The following SGK1 variants were observed in gnomAD, a reference collection of about 807,000 sequenced individuals.
SGK1 encodes serine/threonine-protein kinase Sgk1.
In SGK1, 26 loss-of-function variants were observed where a neutral mutation model predicts 64.2. The ratio of observed to expected loss-of-function variants is 0.40; its 90% CI spans 0.30 to 0.56. The LOEUF is 0.56. Among genes scored for constraint, SGK1 ranks in the 20% least tolerant of loss-of-function variants. The pLI is 0.38. For synonymous variants in SGK1, 265 were observed against 239.7 expected (o/e 1.11, Z -0.98); for missense variants, 519 against 645.6 (o/e 0.80, Z 2.12).
chr6:134,305,129 G>A (rs1237046711), intron 1 of SGK1, among the ~76,000 whole-genome samples: 3 of 152,014 alleles, frequency 2.0e-5, no homozygotes, highest in Admixed American at 6.5e-5. Flanking sequence ...AGGCCAAGAC[G>A]GGTGGCTCAC....
At chr6:134,297,775 A>G (rs1582771330) in intron 1 of SGK1, 1 of 532,030 alleles carries the variant, frequency 1.9e-6, no homozygotes, top group Non-Finnish European at 3.5e-6. Flanking sequence ...TGCTGGGATT[A>G]CAGGCGTGAG....
chr6:134,233,976 C>T (rs17063535), intron 2 of SGK1, among the ~76,000 whole-genome samples: 11,981 of 152,240 alleles, frequency 0.079, 812 homozygotes, highest in East Asian at 0.26. Context: ...TAGAGAAATA[C>T]ATCAGTGTCA....
At chr6:134,289,425 T>C (rs772506608) in intron 1 of SGK1, among the ~76,000 whole-genome samples, 7 of 152,210 alleles carry the variant, frequency 4.6e-5, no homozygotes, top group Non-Finnish European at 7.4e-5. Context: ...TGCAGTCCAA[T>C]AGGAATAGAA....
At chr6:134,231,595 G>A (rs1562259384) in intron 2 of SGK1, among the ~76,000 whole-genome samples, 1 of 152,010 alleles carries the variant, frequency 6.6e-6, no homozygotes, top group Non-Finnish European at 1.5e-5. Flanking sequence ...CTCACTTTAG[G>A]TAATTTATCT....
intron 2 of SGK1, among the ~76,000 whole-genome samples, chr6:134,216,459 G>A (rs192726374): frequency 2.6e-5 from 4 of 152,298 alleles, no homozygotes; most frequent in African/African-American, 7.2e-5. Flanking sequence ...ATATAATACC[G>A]TCTTGCAAAT....
intron 1 of SGK1, among the ~76,000 whole-genome samples, chr6:134,287,106 G>A (rs1777197492): frequency 2.0e-5 from 3 of 152,066 alleles, no homozygotes; most frequent in Admixed American, 6.6e-5. Flanking sequence ...CAAGTAGCTG[G>A]GACTTCAGGC....
chr6:134,215,144 TTTTGAGAGAGC>T, intron 2 of SGK1: 1 of 428,122 alleles, frequency 2.3e-6, no homozygotes, highest in Non-Finnish European at 4.6e-6. Flanking sequence ...CTTTTTTTTT[TTTTGAGAGAGC>T]TTTGTTGCCC....
chr6:134,311,309 G>A (rs993612292), intron 1 of SGK1, among the ~76,000 whole-genome samples: 2 of 152,180 alleles, frequency 1.3e-5, no homozygotes, highest in African/African-American at 4.8e-5. Context: ...GTTTTGACAA[G>A]TAGGGGATAC....
chr6:134,226,663 A>G (rs1776185457), intron 2 of SGK1, among the ~76,000 whole-genome samples: 1 of 151,586 alleles, frequency 6.6e-6, no homozygotes. Context: ...CACTGCACTC[A>G]AGCCTGGGTG....
At chr6:134,286,822 G>A (rs1287586196) in intron 1 of SGK1, among the ~76,000 whole-genome samples, 1 of 152,074 alleles carries the variant, frequency 6.6e-6, no homozygotes, top group Non-Finnish European at 1.5e-5. Flanking sequence ...ATAGGTTATA[G>A]AAGTATAATT....
In SGK1 at chr6:134,268,656, G is replaced by A. The variant is rs1417916434; in HGVS notation, c.70-6508C>T. Among the ~76,000 whole-genome samples the A allele has an allele frequency of 6.3e-5, 9 of 141,836 alleles. 2 individuals carry two copies. Among genetic ancestry groups the A allele is most frequent in the Non-Finnish European group, 1.4e-4 (9 of 65,092 alleles). The allele number at this position is 141,836 out of a possible 152,430, so 93.0% of individuals were successfully genotyped here. A position where few individuals can be genotyped will look rare whatever the true frequency, so the allele number is the denominator to read the frequency against. ...GAGAATGGCGTGAACCCGGGAGGCG[G>A]AGCTTGCAGTGAGCTGAGATCGCGC... On this transcript the variant is annotated intron_variant, in intron 1 of 13. Transcript: ENST00000367858.
chr6:134,274,884 C>A (rs1433422424), intron 1 of SGK1, among the ~76,000 whole-genome samples: 1 of 152,136 alleles, frequency 6.6e-6, no homozygotes, highest in Non-Finnish European at 1.5e-5. Context: ...TGGCTCACTG[C>A]AGCCTCTGCC....
chr6:134,297,211 C>T, intron 1 of SGK1: 1 of 895,702 alleles, frequency 1.1e-6, no homozygotes, highest in Non-Finnish European at 1.8e-6. Flanking sequence ...TTCTGTATCC[C>T]AGACTCCAGC....
At chr6:134,225,941 A>AC (rs370919370) in intron 2 of SGK1, among the ~76,000 whole-genome samples, 1,911 of 151,604 alleles carry the variant, frequency 0.013, 43 homozygotes, top group African/African-American at 0.044. Context: ...AACAAAAAAA[A>AC]ACAAAAAAAC....
chr6:134,233,321 A>G (rs1466514332), intron 2 of SGK1, among the ~76,000 whole-genome samples: 1 of 152,232 alleles, frequency 6.6e-6, no homozygotes, highest in African/African-American at 2.4e-5. Context: ...TTGCAAAAAT[A>G]AAGCTCTCTC....
chr6:134,317,609 A>G lies in SGK1; in HGVS notation c.-149T>C, dbSNP rs557929143. On this transcript the variant is annotated 5_prime_UTR_variant, in exon 1 of 14. An upstream start codon of the reference 5' UTR is lost. Transcript: ENST00000367858. ...GCGGGGCTCAGTTCTTCACTCGCGCATTCTGCAGCACCAGCTACTGCAGCA... is the reference window on the plus strand; with the variant it reads ...GCGGGGCTCAGTTCTTCACTCGCGCGTTCTGCAGCACCAGCTACTGCAGCA... The G allele has an allele frequency of 5.9e-6, 4 of 679,880 alleles. No individual in the cohort carries two copies. The highest frequency in any genetic ancestry group is 1.8e-5 in the African/African-American group (1 of 56,212). 42.1% of individuals were successfully genotyped at this position (679,880 alleles called of 1,614,324 possible).
chr6:134,298,201 C>G, intron 1 of SGK1: 4 of 1,546,738 alleles, frequency 2.6e-6, no homozygotes, highest in Non-Finnish European at 3.5e-6. Flanking sequence ...CTGCATGTTG[C>G]CAAGCTCTGC....
intron 2 of SGK1, among the ~76,000 whole-genome samples, chr6:134,223,380 AG>A (rs1776121955): frequency 7.0e-6 from 1 of 143,652 alleles, no homozygotes. Context: ...AAAAAAAAAA[AG>A]GGATAATATA....
At chr6:134,222,657 T>C (rs1409935587) in intron 2 of SGK1, among the ~76,000 whole-genome samples, 1 of 152,132 alleles carries the variant, frequency 6.6e-6, no homozygotes, top group Non-Finnish European at 1.5e-5. Flanking sequence ...TTCTAATGAC[T>C]GGCTGTTTTC....
Sources: gnomAD v4.1 joint callset for allele counts (sites outside exome capture counted in the v4.1 genomes callset) on GRCh38, gnomAD v4.1.1 for gene constraint, MANE v1.5 for transcripts, NCBI Gene and HGNC (gene_info 2026-07-23, HGNC 2026-07-21) for gene names.